The following EHBP1 variants were observed in gnomAD, a reference collection of about 807,000 sequenced individuals.
EHBP1 encodes the protein EH domain-binding protein 1.
In EHBP1, 55 loss-of-function variants were observed where a neutral mutation model predicts 144.0. The ratio of observed to expected loss-of-function variants is 0.38; its 90% confidence interval spans 0.31 to 0.48. The LOEUF is 0.48. Among genes scored for constraint, EHBP1 ranks in the 20% least tolerant of loss-of-function variants. The pLI, the probability that EHBP1 is intolerant of heterozygous loss-of-function variation, is 0.98. For missense variants in EHBP1, 1,200 were observed against 1,364.2 expected (o/e 0.88, Z 1.90); for synonymous variants, 469 against 472.7 (o/e 0.99, Z 0.10).
chr2:63,008,212 G>A (rs540846702), intron 19 of EHBP1, among the ~76,000 whole-genome samples: 1 of 151,816 alleles, frequency 6.6e-6, no homozygotes, highest in South Asian at 2.1e-4. Flanking sequence ...CTTAATAAAT[G>A]TATTCTTTTA....
intron 9 of EHBP1, among the ~76,000 whole-genome samples, chr2:62,874,123 T>C (rs6759605): frequency 6.6e-6 from 1 of 152,216 alleles, no homozygotes; most frequent in Non-Finnish European, 1.5e-5. Flanking sequence ...GAATGTGACC[T>C]TGTATTAAAT....
In EHBP1 at chr2:62,843,998, T is replaced by C. The variant is rs557953921; in HGVS notation, c.634+12840T>C. Among the ~76,000 whole-genome samples, 85 of 152,352 alleles carry C rather than the reference T, an allele frequency of 5.6e-4. 1 individual carries two copies. The highest frequency in any genetic ancestry group is 2.3e-3 in the South Asian group (11 of 4,828). On this transcript the variant is annotated intron_variant, in intron 7 of 22. Transcript: ENST00000431489. ...TCCTGTTAATTATATCTTAATATTA[T>C]AATCTAAATGCATAAAGTGCAATTG...
intron 15 of EHBP1, among the ~76,000 whole-genome samples, chr2:62,989,407 G>A (rs1264638903): frequency 6.6e-6 from 1 of 152,016 alleles, no homozygotes; most frequent in Non-Finnish European, 1.5e-5. Context: ...TTCTACAGTA[G>A]GTTAGTAACA....
chr2:62,887,013 C>T (rs1357628541), intron 10 of EHBP1, among the ~76,000 whole-genome samples: 1 of 152,144 alleles, frequency 6.6e-6, no homozygotes, highest in Admixed American at 6.5e-5. Flanking sequence ...TTATTTCTGT[C>T]TTTAAAAATA....
In EHBP1 at chr2:62,905,533, G is replaced by A. The variant is rs777178275; in HGVS notation, c.1185+31001G>A. On this transcript the variant is annotated intron_variant, in intron 10 of 22. Coordinates refer to ENST00000431489, the MANE Select transcript of EHBP1 (RefSeq NM_001142616.3). Reference sequence around the variant, plus strand: ...ATATAATCAGGTACATGCTTGAAACGATCACTCTCGGTTGGGCGCAGCAGC... The same window carrying A: ...ATATAATCAGGTACATGCTTGAAACAATCACTCTCGGTTGGGCGCAGCAGC... 5.9e-5 allele frequency among the ~76,000 whole-genome samples: 9 copies of A among 152,020 alleles called. 1 individual carries two copies. Among genetic ancestry groups the A allele is most frequent in the Admixed American group, 3.9e-4 (6 of 15,254 alleles).
chr2:62,807,181 A>G (rs141070119), intron 5 of EHBP1, among the ~76,000 whole-genome samples: 164 of 152,372 alleles, frequency 1.1e-3, no homozygotes, highest in African/African-American at 3.5e-3. Context: ...CAACATACGC[A>G]TAACAATACG....
At chr2:62,960,032 G>A (rs1051627908) in intron 14 of EHBP1, among the ~76,000 whole-genome samples, 2 of 152,084 alleles carry the variant, frequency 1.3e-5, no homozygotes, top group African/African-American at 4.8e-5. Flanking sequence ...AGAATTTACA[G>A]GGGATTCAGA....
chr2:62,967,743 A>C (rs2058311974), intron 14 of EHBP1, among the ~76,000 whole-genome samples: 1 of 152,154 alleles, frequency 6.6e-6, no homozygotes, highest in South Asian at 2.1e-4. Flanking sequence ...GGAGAGGAAA[A>C]ATTCCAAAAC....
At position 62,803,302 on chromosome 2, in the gene EHBP1, A is replaced by G. The variant is rs550458606; in HGVS notation, c.313-22785A>G. Among the ~76,000 whole-genome samples, 5 of 152,176 alleles carry G rather than the reference A, an allele frequency of 3.3e-5. No homozygotes were observed. In the East Asian group the frequency reaches 9.6e-4, roughly 29 times the overall value. On this transcript the variant is annotated intron_variant, in intron 5 of 22. Transcript: ENST00000431489. ...CCAGATACTGGAATAGATTCCCAGA[A>G]TGGAACTGTTCAGTCAAAAGGGACA...
chr2:62,895,003 C>G (rs1159321406), intron 10 of EHBP1, among the ~76,000 whole-genome samples: 3 of 151,476 alleles, frequency 2.0e-5, no homozygotes, highest in Non-Finnish European at 4.4e-5. Flanking sequence ...GTACCTGATA[C>G]AGCTATGTAT....
At chr2:63,012,032 G>A (rs949892969) in intron 19 of EHBP1, among the ~76,000 whole-genome samples, 2 of 151,808 alleles carry the variant, frequency 1.3e-5, no homozygotes, top group African/African-American at 4.8e-5. Context: ...TAGTAGGTCT[G>A]TAGTTTTGTT....
chr2:62,754,742 G>A (rs554888423), intron 3 of EHBP1, among the ~76,000 whole-genome samples: 5 of 152,196 alleles, frequency 3.3e-5, no homozygotes, highest in Admixed American at 6.5e-5. Context: ...TCCGACTGCT[G>A]TACTAGCAAT....
intron 19 of EHBP1, among the ~76,000 whole-genome samples, 176 bp downstream of exon 19, chr2:62,996,942 T>C (rs886318356): frequency 6.6e-6 from 1 of 152,070 alleles, no homozygotes; most frequent in African/African-American, 2.4e-5. Context: ...AGTGCCTTCA[T>C]GGGAAGTGAT....
At chr2:62,881,965 G>T (rs1274868869) in intron 10 of EHBP1, among the ~76,000 whole-genome samples, 1 of 152,184 alleles carries the variant, frequency 6.6e-6, no homozygotes. Flanking sequence ...CCTCCTGCCA[G>T]TAGAGAAAGG....
chr2:62,988,248 ATTGTAGT>A (rs2059279172), intron 15 of EHBP1, among the ~76,000 whole-genome samples: 1 of 152,032 alleles, frequency 6.6e-6, no homozygotes. Context: ...GGAATAGCAA[ATTGTAGT>A]TTGTGTTCTC....
intron 10 of EHBP1, among the ~76,000 whole-genome samples, chr2:62,938,257 A>C (rs1204235650): frequency 2.0e-5 from 3 of 152,234 alleles, no homozygotes; most frequent in African/African-American, 7.2e-5. Context: ...TTGAACTATA[A>C]ATATTTGGGA....
intron 10 of EHBP1, among the ~76,000 whole-genome samples, chr2:62,913,408 T>A (rs1351039440): frequency 6.6e-6 from 1 of 152,168 alleles, no homozygotes. Context: ...TATTTAGGAG[T>A]TTTAAAAGTA....
At chr2:62,814,460 T>G (rs1250203468) in intron 5 of EHBP1, among the ~76,000 whole-genome samples, 3 of 152,238 alleles carry the variant, frequency 2.0e-5, no homozygotes, top group Admixed American at 2.0e-4. Context: ...CAAAATAGAT[T>G]AACACAGCCA....
intron 9 of EHBP1, 89 bp downstream of exon 9, chr2:62,865,060 A>G (rs776845319): frequency 2.9e-6 from 4 of 1,366,832 alleles, no homozygotes; most frequent in Non-Finnish European, 3.0e-6. Context: ...GATGGGTACA[A>G]ATCATTAATG....
Sources: allele counts gnomAD v4.1 joint callset (sites outside exome capture counted in the v4.1 genomes callset), GRCh38; gene constraint gnomAD v4.1.1; transcripts MANE v1.5; gene names NCBI Gene and HGNC (gene_info 2026-07-23, HGNC 2026-07-21).